NCAM2: variants seen among roughly 807,000 people sequenced by gnomAD.
NCAM2 encodes neural cell adhesion molecule 2, also known as N-CAM-2.
In NCAM2, 30 loss-of-function variants were observed where a neutral mutation model predicts 98.1. The ratio of observed to expected loss-of-function variants is 0.31; its 90% CI spans 0.23 to 0.41. The LOEUF (loss-of-function observed/expected upper bound fraction) is 0.41, where lower values mean the gene tolerates loss of function less well. Among genes scored for constraint, NCAM2 ranks in the 10% least tolerant of loss-of-function variants. The pLI, the probability that NCAM2 is intolerant of heterozygous loss-of-function variation, is 1.00. For missense variants in NCAM2, 867 were observed against 1,005.8 expected, an observed-to-expected ratio of 0.86 and a Z score of 1.87; for synonymous variants, 368 against 342.4, an observed-to-expected ratio of 1.07 and a Z score of -0.83.
intron 12 of NCAM2, among the ~76,000 whole-genome samples, chr21:21,447,179 G>A (rs945509695): frequency 6.6e-6 from 1 of 152,100 alleles, no homozygotes; most frequent in Non-Finnish European, 1.5e-5. Flanking sequence ...AGCAAAAACA[G>A]CATGTTACTG....
At chr21:21,222,886 A>T (rs1463798121) in intron 1 of NCAM2, among the ~76,000 whole-genome samples, 1 of 152,168 alleles carries the variant, frequency 6.6e-6, no homozygotes, top group East Asian at 1.9e-4. Context: ...TTATTTTGTG[A>T]AACAAAGAGG....
At chr21:21,011,943 C>A (rs2064220025) in intron 1 of NCAM2, among the ~76,000 whole-genome samples, 1 of 152,062 alleles carries the variant, frequency 6.6e-6, no homozygotes, top group Non-Finnish European at 1.5e-5. Context: ...TATCACCTCA[C>A]ACCTGGTAGA....
intron 1 of NCAM2, among the ~76,000 whole-genome samples, chr21:21,085,367 T>G (rs1309620187): frequency 6.6e-6 from 1 of 152,154 alleles, no homozygotes; most frequent in African/African-American, 2.4e-5. Context: ...CTGCCCTTTC[T>G]GTCATGGAAC....
chr21:21,297,698 C>A (rs2073538774), intron 5 of NCAM2, among the ~76,000 whole-genome samples: 1 of 150,818 alleles, frequency 6.6e-6, no homozygotes, highest in Non-Finnish European at 1.5e-5. Context: ...CCATCTGATT[C>A]CTAGGCTTTA....
chr21:21,340,817 G>C (rs1403735627), intron 8 of NCAM2, among the ~76,000 whole-genome samples: 3 of 151,854 alleles, frequency 2.0e-5, no homozygotes, highest in African/African-American at 7.2e-5. Context: ...TGATGCCTCA[G>C]CATGATAAAA....
intron 1 of NCAM2, among the ~76,000 whole-genome samples, chr21:21,015,843 A>G (rs983828476): frequency 8.6e-5 from 13 of 151,916 alleles, no homozygotes; most frequent in African/African-American, 2.7e-4. Flanking sequence ...AGCTGGGATT[A>G]CAGGCGCCTG....
chr21:21,046,820 C>T lies in NCAM2; in HGVS notation c.55+48202C>T, dbSNP rs536016565. Among the ~76,000 whole-genome samples the T allele has an allele frequency of 2.6e-5, 4 of 152,258 alleles. No individual in the cohort carries two copies. In the South Asian group the frequency reaches 8.3e-4, roughly 32 times the overall value. On this transcript the variant is annotated intron_variant, in intron 1 of 17. Transcript: ENST00000400546. Reference sequence around the variant, plus strand: ...AAAAGTAAAGAAACAAAAATCTAGTCCTGCTGCTTGACAAAATAGTATGAG... The same window carrying T: ...AAAAGTAAAGAAACAAAAATCTAGTTCTGCTGCTTGACAAAATAGTATGAG...
intron 5 of NCAM2, among the ~76,000 whole-genome samples, chr21:21,315,288 C>T (rs1427756186): frequency 2.0e-5 from 3 of 152,166 alleles, no homozygotes; most frequent in Admixed American, 6.5e-5. Context: ...ATTCAATAAG[C>T]ACAGGTCAGG....
chr21:21,513,639 C>T (rs1042700110), intron 16 of NCAM2, among the ~76,000 whole-genome samples: 1 of 152,058 alleles, frequency 6.6e-6, no homozygotes, highest in African/African-American at 2.4e-5. Context: ...CAGAATGTTT[C>T]ATGTGCTGAG....
chr21:21,486,326 A>AAAAC (rs1986381064), intron 15 of NCAM2, among the ~76,000 whole-genome samples: 2 of 151,054 alleles, frequency 1.3e-5, no homozygotes, highest in African/African-American at 2.4e-5. Context: ...AAAAAAAAAA[A>AAAAC]AACTTCTGCT....
intron 7 of NCAM2, among the ~76,000 whole-genome samples, chr21:21,336,129 T>C (rs2074860486): frequency 1.3e-5 from 2 of 152,152 alleles, no homozygotes; most frequent in Non-Finnish European, 2.9e-5. Context: ...AAGAGCCATA[T>C]TATCTTATTT....
intron 1 of NCAM2, among the ~76,000 whole-genome samples, chr21:21,159,133 TA>T (rs1296597432): frequency 1.3e-5 from 2 of 152,074 alleles, no homozygotes; most frequent in East Asian, 3.9e-4. Flanking sequence ...AAAGGTAAAA[TA>T]AAAAATTGAA....
chr21:21,222,624 G>A (rs2070215927), intron 1 of NCAM2, among the ~76,000 whole-genome samples: 1 of 152,134 alleles, frequency 6.6e-6, no homozygotes, highest in Non-Finnish European at 1.5e-5. Flanking sequence ...CATAAGACTT[G>A]CTGCAATCTT....
chr21:21,510,305 A>G (rs1319739390), intron 16 of NCAM2, among the ~76,000 whole-genome samples: 1 of 152,120 alleles, frequency 6.6e-6, no homozygotes, highest in African/African-American at 2.4e-5. Flanking sequence ...CCTTACCACC[A>G]CATTCTGGAA....
intron 1 of NCAM2, among the ~76,000 whole-genome samples, chr21:21,054,228 A>G (rs749394838): frequency 1.3e-5 from 2 of 152,054 alleles, no homozygotes; most frequent in Non-Finnish European, 2.9e-5. Flanking sequence ...CAATAATGTT[A>G]CATATTAGGA....
chr21:21,406,574 C>T (rs2076742199), intron 9 of NCAM2, among the ~76,000 whole-genome samples: 2 of 152,300 alleles, frequency 1.3e-5, no homozygotes, highest in South Asian at 2.1e-4. Flanking sequence ...TTGATTGTCA[C>T]TGGCACTGGA....
Position 21,260,733 on chromosome 21 carries a change from T to A in NCAM2, c.56-19845T>A, listed in dbSNP as rs547620092. ...TCCTAAACATTGAAATAAAGGTCAGTACTTCCTTTAATAAAAGCATATGTA... is the reference window on the plus strand; with the variant it reads ...TCCTAAACATTGAAATAAAGGTCAGAACTTCCTTTAATAAAAGCATATGTA... On this transcript the variant is annotated intron_variant, in intron 1 of 17. Transcript: ENST00000400546. 1.3e-4 allele frequency among the ~76,000 whole-genome samples: 20 copies of A among 152,250 alleles called. No homozygotes were observed. The East Asian group carries it at 3.7e-3, about 28-fold the overall frequency.
Position 21,343,755 on chromosome 21 carries a change from G to A in NCAM2, c.1044+5221G>A, listed in dbSNP as rs145715664. Among the ~76,000 whole-genome samples, 277 of 152,244 alleles carry A rather than the reference G, an allele frequency of 1.8e-3. 1 individual carries two copies. Among genetic ancestry groups the A allele is most frequent in the African/African-American group, 6.6e-3 (273 of 41,546 alleles). On this transcript the variant is annotated intron_variant, in intron 8 of 17. Transcript: ENST00000400546. ...AGTGCCTGCAAACCTCACCAGTGAG[G>A]ACCAAAGTGCTCTGTGTCTCCCAGT...
intron 1 of NCAM2, among the ~76,000 whole-genome samples, chr21:21,275,896 A>C (rs2072710831): frequency 6.6e-6 from 1 of 152,144 alleles, no homozygotes; most frequent in Admixed American, 6.5e-5. Context: ...AATTTTGGAC[A>C]AAAATTCAAG....
Sources: allele counts gnomAD v4.1 joint callset (sites outside exome capture counted in the v4.1 genomes callset), GRCh38; gene constraint gnomAD v4.1.1; transcripts MANE v1.5; gene names NCBI Gene and HGNC (gene_info 2026-07-23, HGNC 2026-07-21).